PALS1: variants seen among roughly 807,000 people sequenced by gnomAD.
The protein encoded by PALS1 is protein associated with LIN7 1, MAGUK p55 family member.
In PALS1, 31 loss-of-function variants were observed where a neutral mutation model predicts 78.9. The ratio of observed to expected loss-of-function variants is 0.39; its 90% CI spans 0.30 to 0.53. The LOEUF (loss-of-function observed/expected upper bound fraction) is 0.53, where lower values mean the gene tolerates loss of function less well. Among genes scored for constraint, PALS1 ranks in the 20% least tolerant of loss-of-function variants. The pLI is 0.67. For missense variants in PALS1, 704 were observed against 826.5 expected (o/e 0.85, Z 1.82); for synonymous variants, 276 against 270.9 (o/e 1.02, Z -0.18).
chr14:67,277,730 A>G, intron 2 of PALS1, among the ~76,000 whole-genome samples: 1 of 152,202 alleles, frequency 6.6e-6, no homozygotes, highest in Non-Finnish European at 1.5e-5. Flanking sequence ...TTTCTAAAAT[A>G]TGTTGAAAGA....
At chr14:67,268,407 T>G (rs2084362422) in intron 1 of PALS1, among the ~76,000 whole-genome samples, 1 of 152,132 alleles carries the variant, frequency 6.6e-6, no homozygotes, top group Non-Finnish European at 1.5e-5. Flanking sequence ...TTGGGGCAAG[T>G]CCATAGAGTA....
chr14:67,308,530 A>G (rs957913476), intron 8 of PALS1, among the ~76,000 whole-genome samples: 6 of 148,346 alleles, frequency 4.0e-5, no homozygotes, highest in African/African-American at 1.3e-4. Flanking sequence ...CACTCTCCAA[A>G]TATTTTTTTC....
At chr14:67,315,614 A>G (rs568292518) in intron 9 of PALS1, among the ~76,000 whole-genome samples, 2 of 152,322 alleles carry the variant, frequency 1.3e-5, no homozygotes, top group South Asian at 4.1e-4. Context: ...TCCTTCTAGT[A>G]ATAGTTACTT....
intron 8 of PALS1, chr14:67,304,050 G>A (rs1009720009): frequency 1.3e-5 from 2 of 154,322 alleles, no homozygotes; most frequent in Admixed American, 6.4e-5. Context: ...TTACAGGTGT[G>A]AGCCTTCACA....
chr14:67,293,829 G>T (rs188170731), intron 4 of PALS1, among the ~76,000 whole-genome samples: 2 of 152,296 alleles, frequency 1.3e-5, no homozygotes, highest in Non-Finnish European at 1.5e-5. Flanking sequence ...CTTTTAGGAG[G>T]AAGGTTTGTC....
chr14:67,270,222 C>G (rs1261217538), intron 2 of PALS1: 1 of 152,162 alleles, frequency 6.6e-6, no homozygotes, highest in East Asian at 1.9e-4. Context: ...TATTTAGCTT[C>G]CCATTGCCCC....
At chr14:67,305,440 C>T (rs966643474) in intron 8 of PALS1, among the ~76,000 whole-genome samples, 4 of 152,102 alleles carry the variant, frequency 2.6e-5, no homozygotes, top group Admixed American at 6.6e-5. Flanking sequence ...CTACCACATC[C>T]GGCTAATTTT....
chr14:67,301,300 A>T, intron 4 of PALS1, 89 bp from the exon 5 acceptor site: 1 of 616,088 alleles, frequency 1.6e-6, no homozygotes, highest in South Asian at 3.6e-5. Context: ...TATTATTTTA[A>T]TTTGTACTTA....
intron 1 of PALS1, among the ~76,000 whole-genome samples, chr14:67,265,399 TAAAC>T (rs2084306716): frequency 6.6e-6 from 1 of 151,168 alleles, no homozygotes; most frequent in African/African-American, 2.4e-5. Flanking sequence ...TCTAAGAAAA[TAAAC>T]AAAAAGTAGC....
At chr14:67,254,000 A>G (rs61510566) in intron 1 of PALS1, among the ~76,000 whole-genome samples, 18,225 of 137,462 alleles carry the variant, frequency 0.13, 2,417 homozygotes, top group East Asian at 0.38. Flanking sequence ...GATGTCTTTC[A>G]TGTCTTTTTT....
chr14:67,308,270 C>T (rs1330620652), intron 8 of PALS1, among the ~76,000 whole-genome samples: 1 of 149,494 alleles, frequency 6.7e-6, no homozygotes, highest in Admixed American at 6.7e-5. Context: ...AGTATAAAAG[C>T]CAACCTAATA....
intron 2 of PALS1, among the ~76,000 whole-genome samples, chr14:67,273,097 A>C (rs911411836): frequency 2.0e-5 from 3 of 149,346 alleles, no homozygotes; most frequent in African/African-American, 5.0e-5. Flanking sequence ...TCTATGCTTC[A>C]GTAGGAGTGA....
chr14:67,273,008 A>G (rs1393656136), intron 2 of PALS1, among the ~76,000 whole-genome samples: 1 of 151,640 alleles, frequency 6.6e-6, no homozygotes, highest in Non-Finnish European at 1.5e-5. Context: ...CAACTTCTTC[A>G]TTCTCACTGT....
chr14:67,317,438 A>G lies in PALS1; in HGVS notation c.1328A>G (p.Lys443Arg). 6.2e-7 allele frequency: 1 copy of G among 1,612,564 alleles called. No homozygotes were observed. The highest frequency in any genetic ancestry group is 8.5e-7 in the Non-Finnish European group (1 of 1,178,972). ...GKLWCAKKNK[K>R]KRKKVLYNAN... ...CTGTGGTGTGCAAAGAAGAATAAAA[A>G]GAAGAGGAAAAAGGTTTTATATAAT... Residue 443 changes from lysine (K) to arginine (R), a missense_variant, in exon 11 of 15, where the codon AAG (lysine) becomes AGG (arginine). By Grantham distance (26) the Lys-to-Arg change is conservative (BLOSUM62 2). Transcript: ENST00000261681.
chr14:67,332,026 T>C (rs940049224), intron 14 of PALS1, among the ~76,000 whole-genome samples: 3 of 152,256 alleles, frequency 2.0e-5, no homozygotes, highest in Non-Finnish European at 4.4e-5. Flanking sequence ...AACAGTTGAA[T>C]GATATAAATT....
At chr14:67,285,126 A>T (rs2084666126) in intron 3 of PALS1, among the ~76,000 whole-genome samples, 1 of 152,168 alleles carries the variant, frequency 6.6e-6, no homozygotes, top group Non-Finnish European at 1.5e-5. Context: ...TCTGAGTATC[A>T]TATTTGACCC....
intron 3 of PALS1, among the ~76,000 whole-genome samples, chr14:67,290,091 G>C (rs1161036496): frequency 6.6e-6 from 1 of 151,776 alleles, no homozygotes; most frequent in African/African-American, 2.4e-5. Flanking sequence ...TTTTTATACT[G>C]TCTTTGACTG....
chr14:67,315,565 T>C (rs1595610306), intron 9 of PALS1, among the ~76,000 whole-genome samples: 2 of 152,230 alleles, frequency 1.3e-5, no homozygotes, highest in African/African-American at 4.8e-5. Flanking sequence ...CATAAGCCAC[T>C]GCACCCGACC....
intron 3 of PALS1, among the ~76,000 whole-genome samples, chr14:67,286,618 G>A (rs1044535165): frequency 6.6e-6 from 1 of 152,006 alleles, no homozygotes; most frequent in African/African-American, 2.4e-5. Flanking sequence ...CACTTTGGGA[G>A]GCCGAGGTGG....
Sources: gnomAD v4.1 joint callset for allele counts (sites outside exome capture counted in the v4.1 genomes callset) on GRCh38, gnomAD v4.1.1 for gene constraint, MANE v1.5 for transcripts, NCBI Gene and HGNC (gene_info 2026-07-23, HGNC 2026-07-21) for gene names.